The following JMJD1C variants were observed in gnomAD, a reference collection of about 807,000 sequenced individuals.
The protein encoded by JMJD1C is jumonji domain containing 1C, also known as jumonji domain-containing protein 1C.
Under a neutral mutation model 245.3 loss-of-function variants are expected in JMJD1C, and 31 were observed. The observed-to-expected ratio is 0.13, with a 90% confidence interval of 0.09 to 0.17. The LOEUF (loss-of-function observed/expected upper bound fraction) is 0.17. Among genes scored for constraint, JMJD1C ranks in the 10% least tolerant of loss-of-function variants. The pLI is 1.00. For missense variants in JMJD1C, 2,691 were observed against 3,000.2 expected, an observed-to-expected ratio of 0.90 and a Z score of 2.41; for synonymous variants, 1,057 against 1,017.4, an observed-to-expected ratio of 1.04 and a Z score of -0.74.
chr10:63,273,329 C>CTG (rs1856503199), intron 2 of JMJD1C, among the ~76,000 whole-genome samples: 1 of 152,170 alleles, frequency 6.6e-6, no homozygotes, highest in Non-Finnish European at 1.5e-5. Flanking sequence ...GCAGCTGGGA[C>CTG]TACAAGTAAG....
intron 1 of JMJD1C, among the ~76,000 whole-genome samples, chr10:63,428,282 C>G (rs1950556458): frequency 2.6e-5 from 4 of 152,154 alleles, no homozygotes; most frequent in Non-Finnish European, 5.9e-5. Context: ...TAAGAATATT[C>G]TTTGTAACTG....
At chr10:63,177,326 A>G (rs1842952621) in intron 23 of JMJD1C, 2 of 230,834 alleles carry the variant, frequency 8.7e-6, no homozygotes, top group Non-Finnish European at 1.7e-5. Flanking sequence ...GTCAGCAGCC[A>G]AAAATATCTA....
At chr10:63,465,452 G>GT in intron 1 of JMJD1C, 43 bp downstream of exon 1, 1 of 1,533,956 alleles carries the variant, frequency 6.5e-7, no homozygotes, top group Non-Finnish European at 8.8e-7. Context: ...CGAGAGCCGG[G>GT]TGCGGGCGCG....
intron 2 of JMJD1C, among the ~76,000 whole-genome samples, chr10:63,318,829 G>A (rs1307797198): frequency 6.6e-6 from 1 of 151,790 alleles, no homozygotes; most frequent in Non-Finnish European, 1.5e-5. Context: ...CTCTTTCAAC[G>A]TTTCCTTAAA....
rs776091625 is a variant in JMJD1C at position 63,193,380 on chromosome 10, C to T, written c.5827G>A (p.Val1943Ile). 3 of 1,603,668 alleles carry T rather than the reference C, an allele frequency of 1.9e-6. No individual in the cohort carries two copies. In the African/African-American group the frequency reaches 4.0e-5, roughly 21 times the overall value. The change falls in exon 15 of 26, where the codon GTT (valine) becomes ATT (isoleucine). Residue 1943 changes from valine (V) to isoleucine (I), a missense_variant. Val to Ile is a conservative substitution (Grantham distance 29). Transcript: ENST00000399262. The part of the protein sequence containing the change: ...CHCTNKQNLQ[V>I]GNFPTMNGVS... ...CCATTCATTGTAGGAAAATTTCCAA[C>T]TTGTAAATTCTGTTTGTTAGTACAA...
At chr10:63,424,008 TAGA>T (rs1007705905) in intron 1 of JMJD1C, among the ~76,000 whole-genome samples, 1 of 152,224 alleles carries the variant, frequency 6.6e-6, no homozygotes, top group African/African-American at 2.4e-5. Context: ...GTTCAAGTTT[TAGA>T]AGTTCTTTAT....
At chr10:63,505,266 G>A (rs1266882081) in intron 1 of JMJD1C, among the ~76,000 whole-genome samples, 1 of 148,472 alleles carries the variant, frequency 6.7e-6, no homozygotes, top group Non-Finnish European at 1.5e-5. Flanking sequence ...GAAGTGAGCC[G>A]AGATCGCGCC....
intron 2 of JMJD1C, among the ~76,000 whole-genome samples, chr10:63,310,556 A>G (rs1939038756): frequency 6.6e-6 from 1 of 152,232 alleles, no homozygotes; most frequent in Admixed American, 6.5e-5. Flanking sequence ...TGCTGCTTAG[A>G]AACGTAATAC....
chr10:63,351,213 G>C (rs1944334635), intron 2 of JMJD1C, among the ~76,000 whole-genome samples: 1 of 151,414 alleles, frequency 6.6e-6, no homozygotes, highest in Admixed American at 6.6e-5. Context: ...TGAGGAGCTG[G>C]GATTACAAGC....
rs768086189 is a variant in JMJD1C at position 63,465,495 on chromosome 10, C to T, written c.168G>A (p.Ala56=). 1 of 1,600,702 alleles carries T rather than the reference C, an allele frequency of 6.2e-7. No individual in the cohort carries two copies. The highest frequency in any genetic ancestry group is 8.5e-7 in the Non-Finnish European group (1 of 1,176,242). Residue 56 remains alanine (A), a splice_region_variant and synonymous_variant, in exon 1 of 26, where the codon GCG becomes GCA. Coordinates refer to ENST00000399262, the MANE Select transcript of JMJD1C (RefSeq NM_032776.3). The stretch of plus-strand genomic sequence containing the variant: ...AAAAGGGGGGCGCTGACTCTCTTAC[C>T]GCCAGGTCCGGATTGCGGCTGTCCC... ...SHRDSRNPDL[A]VYVEFDDLEW...
chr10:63,263,201 A>G (rs1469578077), intron 3 of JMJD1C, among the ~76,000 whole-genome samples: 1 of 152,236 alleles, frequency 6.6e-6, no homozygotes, highest in Admixed American at 6.5e-5. Context: ...AATAAATATT[A>G]TAAACAAAGA....
intron 1 of JMJD1C, among the ~76,000 whole-genome samples, chr10:63,399,559 TAA>T (rs1948724345): frequency 6.6e-6 from 1 of 152,182 alleles, no homozygotes; most frequent in Non-Finnish European, 1.5e-5. Context: ...TGCAACAACA[TAA>T]ACTCATTTAC....
At chr10:63,501,959 A>G (rs1418355795) in intron 1 of JMJD1C, among the ~76,000 whole-genome samples, 6 of 152,186 alleles carry the variant, frequency 3.9e-5, no homozygotes, top group Admixed American at 3.9e-4. Flanking sequence ...GGTATTTAAA[A>G]TACGGCCAAA....
chr10:63,492,226 T>G (rs1173164777), intron 1 of JMJD1C, among the ~76,000 whole-genome samples: 2 of 152,116 alleles, frequency 1.3e-5, no homozygotes, highest in Non-Finnish European at 2.9e-5. Flanking sequence ...GTAGAGACAG[T>G]GTTTCACCAT....
chr10:63,441,079 G>C (rs915783692), intron 1 of JMJD1C, among the ~76,000 whole-genome samples: 12 of 152,152 alleles, frequency 7.9e-5, no homozygotes, highest in African/African-American at 2.2e-4. Flanking sequence ...TAGGTGTAAA[G>C]GCAAAGGGAT....
chr10:63,176,645 CA>C, intron 23 of JMJD1C, 172 bp from the exon 24 acceptor site: 1 of 599,368 alleles, frequency 1.7e-6, no homozygotes, highest in Non-Finnish European at 2.9e-6. Context: ...TTTGGAAAGC[CA>C]AAGAATATTA....
chr10:63,176,788 G>T, intron 23 of JMJD1C: 2 of 190,998 alleles, frequency 1.0e-5, no homozygotes, highest in South Asian at 1.8e-4. Flanking sequence ...ACATGGATGA[G>T]GAACAGGGTA....
At chr10:63,294,729 C>CTT (rs1424576850) in intron 2 of JMJD1C, among the ~76,000 whole-genome samples, 1 of 152,136 alleles carries the variant, frequency 6.6e-6, no homozygotes. Flanking sequence ...ATAGTTTTAA[C>CTT]TTGTTATTTA....
intron 1 of JMJD1C, among the ~76,000 whole-genome samples, chr10:63,473,643 T>A (rs775714874): frequency 6.6e-6 from 1 of 152,228 alleles, no homozygotes; most frequent in Admixed American, 6.5e-5. Context: ...CCTCAAGATA[T>A]GAACTTATTG....
Sources: gnomAD v4.1 joint callset for allele counts (sites outside exome capture counted in the v4.1 genomes callset) on GRCh38, gnomAD v4.1.1 for gene constraint, MANE v1.5 for transcripts, NCBI Gene and HGNC (gene_info 2026-07-23, HGNC 2026-07-21) for gene names.